The following TBL1X variants were observed in gnomAD, a reference collection of about 807,000 sequenced individuals.
The protein encoded by TBL1X is F-box-like/WD repeat-containing protein TBL1X.
Under a neutral mutation model 50.7 loss-of-function variants are expected in TBL1X, and 10 were observed. The ratio of observed to expected loss-of-function variants is 0.20; its 90% CI spans 0.12 to 0.33. TBL1X has a LOEUF of 0.33. TBL1X is among the 10% of genes least tolerant of loss of function. The probability of loss-of-function intolerance (pLI) is 1.00; values close to 1 mark genes in which losing one functional copy is unlikely to be tolerated. For missense variants in TBL1X, 340 were observed against 504.4 expected (o/e 0.67, Z 3.12); for synonymous variants, 190 against 214.7 (o/e 0.88, Z 1.01).
intron 2 of TBL1X, among the ~76,000 whole-genome samples, chrX:9,517,590 G>C (rs1037015121): frequency 1.8e-5 from 2 of 112,025 alleles, no homozygotes; most frequent in African/African-American, 6.5e-5. Flanking sequence ...CCCAAACTCT[G>C]AACTGCAGAT....
intron 2 of TBL1X, among the ~76,000 whole-genome samples, chrX:9,542,294 C>T (rs1371232896): frequency 9.0e-6 from 1 of 111,480 alleles, no homozygotes; most frequent in Admixed American, 9.6e-5. Flanking sequence ...CTGTGCTTGT[C>T]TGGCCCCACT....
At position 9,711,749 on chromosome X, in the gene TBL1X, C is replaced by T. The variant is rs999397629; in HGVS notation, c.1578C>T (p.Asp526=). ...AGTACTTGGCCAGTGGATCCTTCGA[C>T]AAGTGCGTCCATATCTGGAATACTC... The part of the protein sequence containing the change: ...DGKYLASGSF[D]KCVHIWNTQS... Residue 526 remains aspartate (D), a synonymous_variant, in exon 16 of 18, where the codon GAC becomes GAT. Coordinates refer to ENST00000645353, the MANE Select transcript of TBL1X (RefSeq NM_005647.4). 1.7e-6 allele frequency: 2 copies of T among 1,201,768 alleles called. No individual in the cohort carries two copies. The highest frequency in any genetic ancestry group is 2.2e-6 in the Non-Finnish European group (2 of 890,347).
At chrX:9,574,394 C>T (rs1157904925) in intron 2 of TBL1X, among the ~76,000 whole-genome samples, 1 of 90,879 alleles carries the variant, frequency 1.1e-5, no homozygotes, top group Admixed American at 1.4e-4. Flanking sequence ...TTCGAGGCTA[C>T]AAGTGAGCCA....
rs986657374 is a variant in TBL1X, at chrX:9,683,959, C to T, written c.212-84C>T. On this transcript the variant is annotated intron_variant, in intron 5 of 17. Coordinates refer to ENST00000645353, the MANE Select transcript of TBL1X (RefSeq NM_005647.4). ...GCAAATTAAGTGTGTTTGAAGTCTG[C>T]GGGCCACCTTCAGATCTCAATGGCT... 27 of 1,174,300 alleles carry T rather than the reference C, an allele frequency of 2.3e-5. No individual in the cohort carries two copies. In the African/African-American group the frequency reaches 3.2e-4, roughly 14 times the overall value.
chrX:9,559,028 A>G (rs1175063277), intron 2 of TBL1X, among the ~76,000 whole-genome samples: 1 of 112,159 alleles, frequency 8.9e-6, no homozygotes, highest in African/African-American at 3.2e-5. Context: ...TTGCACATGT[A>G]TCAGAAGTCT....
chrX:9,701,541 C>T (rs1166305279), intron 12 of TBL1X, among the ~76,000 whole-genome samples: 2 of 65,970 alleles, frequency 3.0e-5, no homozygotes, highest in African/African-American at 6.8e-5. Context: ...ACATAAAATA[C>T]GCTAACACTA....
At chrX:9,530,208 AG>A (rs1219851122) in intron 2 of TBL1X, among the ~76,000 whole-genome samples, 1 of 112,120 alleles carries the variant, frequency 8.9e-6, no homozygotes, top group African/African-American at 3.2e-5. Flanking sequence ...TAATGTCACG[AG>A]GGGGTCCATT....
Position 9,479,937 on chromosome X carries a change from A to AGTGTGTGTGTGTGTGTGTGTGTGTGT in TBL1X, c.-201+14490_-201+14491insGTGTGTGTGTGTGTGTGTGTGTGTGT, listed in dbSNP as rs1353868118. Among the ~76,000 whole-genome samples, 81 of 37,900 alleles carry AGTGTGTGTGTGTGTGTGTGTGTGTGT rather than the reference A, an allele frequency of 2.1e-3. 1 individual carries two copies. Among genetic ancestry groups the AGTGTGTGTGTGTGTGTGTGTGTGTGT allele is most frequent in the African/African-American group, 5.9e-3 (78 of 13,187 alleles). The allele number at this position is 37,900 out of a possible 115,157, so 32.9% of individuals were successfully genotyped here. ...CATGCAAGGCGTAGAAGGAAAGTAG[A>AGTGTGTGTGTGTGTGTGTGTGTGTGT]ATGTGTGTGTGTGTGTGTGTGTGTG... On this transcript the variant is annotated intron_variant, in intron 1 of 17. Coordinates refer to ENST00000645353, the MANE Select transcript of TBL1X (RefSeq NM_005647.4).
At chrX:9,663,619 G>A (rs940293153) in intron 5 of TBL1X, among the ~76,000 whole-genome samples, 1 of 111,272 alleles carries the variant, frequency 9.0e-6, no homozygotes, top group African/African-American at 3.3e-5. Context: ...AAATTAGCCA[G>A]GCGTGGTGGC....
At chrX:9,545,940 C>T (rs951847676) in intron 2 of TBL1X, among the ~76,000 whole-genome samples, 14 of 111,485 alleles carry the variant, frequency 1.3e-4, no homozygotes, top group African/African-American at 3.3e-4. Flanking sequence ...GTCTGTTTCC[C>T]GATGTGATTA....
intron 2 of TBL1X, among the ~76,000 whole-genome samples, chrX:9,603,278 T>C (rs1337781790): frequency 8.9e-6 from 1 of 112,356 alleles, no homozygotes; most frequent in Non-Finnish European, 1.9e-5. Flanking sequence ...CGGGATCTCT[T>C]TTATTGATCT....
intron 2 of TBL1X, chrX:9,530,957 C>G (rs2082156921): frequency 8.9e-6 from 1 of 112,064 alleles, no homozygotes; most frequent in Non-Finnish European, 1.9e-5. Context: ...GCCAAAGCAT[C>G]TTATCTGCCG....
At chrX:9,531,566 G>A (rs1044573387) in intron 2 of TBL1X, among the ~76,000 whole-genome samples, 9 of 110,457 alleles carry the variant, frequency 8.1e-5, no homozygotes, top group African/African-American at 2.3e-4. Context: ...AAATAACAAC[G>A]ACAACAAAAA....
At chrX:9,651,069 G>A (rs1443588892) in intron 3 of TBL1X, among the ~76,000 whole-genome samples, 1 of 82,563 alleles carries the variant, frequency 1.2e-5, no homozygotes, top group Admixed American at 1.8e-4. Context: ...CACTTCCGTT[G>A]CCCAGGCTGG....
intron 2 of TBL1X, among the ~76,000 whole-genome samples, chrX:9,521,727 C>G (rs1331956007): frequency 2.7e-5 from 3 of 111,443 alleles, no homozygotes; most frequent in Non-Finnish European, 5.6e-5. Flanking sequence ...GCAGAACCTG[C>G]CCATAAGGAG....
rs894121245 is a variant in TBL1X, at chrX:9,716,956, C to G, written c.*710C>G. On this transcript the variant is annotated 3_prime_UTR_variant, in exon 18 of 18. Coordinates refer to ENST00000645353, the MANE Select transcript of TBL1X (RefSeq NM_005647.4). ...GAGCTCTGCTTTTTCAGTGCACCAT[C>G]AAGAGATGCAGCCCCGTGGACATGA... The G allele has an allele frequency of 9.0e-6, 1 of 110,655 alleles. No individual in the cohort carries two copies. The highest frequency in any genetic ancestry group is 1.9e-5 in the Non-Finnish European group (1 of 52,893). The allele number at this position is 110,655 out of a possible 1,213,427, so 9.1% of individuals were successfully genotyped here. A position where few individuals can be genotyped will look rare whatever the true frequency, so the allele number is the denominator to read the frequency against.
At chrX:9,514,781 C>T (rs1484065914) in intron 2 of TBL1X, among the ~76,000 whole-genome samples, 2 of 111,177 alleles carry the variant, frequency 1.8e-5, no homozygotes, top group Non-Finnish European at 3.8e-5. Context: ...ACCCTTTTTG[C>T]GTGTACTCAT....
Position 9,696,138 on chromosome X carries a change from TCA to T in TBL1X, c.1054-1230_1054-1229del, listed in dbSNP as rs1352301812. Among the ~76,000 whole-genome samples, 3 of 112,909 alleles carry T rather than the reference TCA, an allele frequency of 2.7e-5. No homozygotes were observed. In the East Asian group the frequency reaches 8.3e-4, roughly 31 times the overall value. On this transcript the variant is annotated intron_variant, in intron 11 of 17. Coordinates refer to ENST00000645353, the MANE Select transcript of TBL1X (RefSeq NM_005647.4). ...GTCCAATGTACATTTAACATAAACATCAACTAAGAGACCAGTCGCTGATGTAA... is the reference window on the plus strand; with the variant it reads ...GTCCAATGTACATTTAACATAAACATACTAAGAGACCAGTCGCTGATGTAA...
chrX:9,644,458 G>C (rs1055272730), intron 3 of TBL1X, among the ~76,000 whole-genome samples: 2 of 111,065 alleles, frequency 1.8e-5, no homozygotes, highest in Non-Finnish European at 3.8e-5. Flanking sequence ...TGTGATGTGG[G>C]TTTCCCTGGT....
Sources: gnomAD v4.1 joint callset for allele counts (sites outside exome capture counted in the v4.1 genomes callset) on GRCh38, gnomAD v4.1.1 for gene constraint, MANE v1.5 for transcripts, NCBI Gene and HGNC (gene_info 2026-07-23, HGNC 2026-07-21) for gene names.